The following KCND2 variants were observed in gnomAD, a reference collection of about 807,000 sequenced individuals.
KCND2 encodes the protein A-type voltage-gated potassium channel KCND2.
A neutral mutation model predicts 54.4 loss-of-function variants in KCND2; 16 were observed. That is an observed-to-expected ratio of 0.29 (90% CI 0.20 to 0.45). The LOEUF is 0.45. KCND2 is among the 20% of genes least tolerant of loss of function. The pLI is 1.00. For missense variants in KCND2, 486 were observed against 824.2 expected (o/e 0.59, Z 5.02); for synonymous variants, 317 against 310.7 (o/e 1.02, Z -0.21).
At chr7:120,746,407 A>G (rs1421546020) in intron 5 of KCND2, among the ~76,000 whole-genome samples, 2 of 152,188 alleles carry the variant, frequency 1.3e-5, no homozygotes, top group Admixed American at 6.6e-5. Flanking sequence ...TGAGATCAAC[A>G]TGGCTAAAAA....
At chr7:120,485,801 C>A (rs1802684619) in intron 1 of KCND2, among the ~76,000 whole-genome samples, 2 of 151,984 alleles carry the variant, frequency 1.3e-5, no homozygotes, top group Admixed American at 1.3e-4. Context: ...TTTTTTGTTT[C>A]TCTTTTCTGT....
At position 120,565,488 on chromosome 7, in the gene KCND2, A is replaced by T. The variant is rs575775081; in HGVS notation, c.1116-167415A>T. 3.3e-5 allele frequency among the ~76,000 whole-genome samples: 5 copies of T among 152,306 alleles called. No individual in the cohort carries two copies. The East Asian group carries it at 9.7e-4, about 29-fold the overall frequency. On this transcript the variant is annotated intron_variant, in intron 1 of 5. Transcript: ENST00000331113. Reference sequence around the variant, plus strand: ...GCCTTATCAGATACTCACCCAATAGATAAAAGTATTAGTTCATAATCTAGT... The same window carrying T: ...GCCTTATCAGATACTCACCCAATAGTTAAAAGTATTAGTTCATAATCTAGT...
chr7:120,478,942 A>T (rs1325043817), intron 1 of KCND2, among the ~76,000 whole-genome samples: 1 of 152,206 alleles, frequency 6.6e-6, no homozygotes, highest in Admixed American at 6.5e-5. Context: ...TACACAAAGG[A>T]TAGGACCTTA....
In KCND2 at chr7:120,279,672, G is replaced by A. The variant is rs138842779; in HGVS notation, c.1115+3925G>A. Among the ~76,000 whole-genome samples, 923 of 151,916 alleles carry A rather than the reference G, an allele frequency of 6.1e-3. 6 individuals are homozygous for A. The highest frequency in any genetic ancestry group is 0.017 in the Admixed American group (263 of 15,252). On this transcript the variant is annotated intron_variant, in intron 1 of 5. Transcript: ENST00000331113. ...AATTGCCATATTTCAATTTTTGTGC[G>A]TTTGGTGAATTACTATTTTAAGGAA... is the stretch of plus-strand genomic sequence containing the variant.
intron 1 of KCND2, among the ~76,000 whole-genome samples, chr7:120,335,472 T>TTTAG (rs986075686): frequency 2.9e-4 from 25 of 85,802 alleles, no homozygotes; most frequent in South Asian, 1.5e-3. Flanking sequence ...TACTTACTTA[T>TTTAG]TTATTTATTT....
At chr7:120,726,650 A>G (rs1792737302) in intron 1 of KCND2, among the ~76,000 whole-genome samples, 1 of 152,186 alleles carries the variant, frequency 6.6e-6, no homozygotes, top group Non-Finnish European at 1.5e-5. Context: ...ACTTACTTTC[A>G]TCTAACTTTT....
At chr7:120,459,545 A>G (rs1802251998) in intron 1 of KCND2, among the ~76,000 whole-genome samples, 1 of 152,142 alleles carries the variant, frequency 6.6e-6, no homozygotes, top group Non-Finnish European at 1.5e-5. Flanking sequence ...TGCCCTTTGT[A>G]TAACTCCTCC....
intron 1 of KCND2, among the ~76,000 whole-genome samples, chr7:120,686,934 C>A (rs1425975040): frequency 6.6e-6 from 1 of 152,116 alleles, no homozygotes; most frequent in Non-Finnish European, 1.5e-5. Context: ...CTTTCCTTGG[C>A]ACCGGTTGTG....
At chr7:120,412,401 G>C (rs1801464142) in intron 1 of KCND2, among the ~76,000 whole-genome samples, 1 of 151,996 alleles carries the variant, frequency 6.6e-6, no homozygotes. Context: ...ATTGCAGAGA[G>C]CTTAAGAATA....
At chr7:120,461,628 TACTA>T (rs1196787917) in intron 1 of KCND2, among the ~76,000 whole-genome samples, 1 of 152,190 alleles carries the variant, frequency 6.6e-6, no homozygotes, top group Admixed American at 6.5e-5. Context: ...CAGAGACTTC[TACTA>T]ACTGTCAGGG....
intron 1 of KCND2, among the ~76,000 whole-genome samples, chr7:120,596,667 G>A (rs1016352713): frequency 6.6e-6 from 1 of 152,016 alleles, no homozygotes; most frequent in Non-Finnish European, 1.5e-5. Context: ...ACAAATGTCT[G>A]GTAAATAAAA....
chr7:120,319,960 G>A (rs1043884362), intron 1 of KCND2, among the ~76,000 whole-genome samples: 1 of 151,928 alleles, frequency 6.6e-6, no homozygotes, highest in African/African-American at 2.4e-5. Flanking sequence ...GGTAGAGAAC[G>A]TATATTAGTT....
At chr7:120,495,046 T>TC in intron 1 of KCND2, among the ~76,000 whole-genome samples, 1 of 152,272 alleles carries the variant, frequency 6.6e-6, no homozygotes, top group East Asian at 1.9e-4. Context: ...TTCTTTCTAC[T>TC]CCCCTGAAAT....
At chr7:120,638,713 T>C (rs992159622) in intron 1 of KCND2, among the ~76,000 whole-genome samples, 6 of 152,106 alleles carry the variant, frequency 3.9e-5, no homozygotes, top group Non-Finnish European at 7.4e-5. Flanking sequence ...CCTACACATC[T>C]CCCTCTCTAG....
chr7:120,426,768 C>T (rs1047809641), intron 1 of KCND2, among the ~76,000 whole-genome samples: 1 of 151,828 alleles, frequency 6.6e-6, no homozygotes, highest in Non-Finnish European at 1.5e-5. Flanking sequence ...ACTACACGCG[C>T]CTGCCACCAT....
At chr7:120,588,443 T>TGTGTG (rs1792628532) in intron 1 of KCND2, among the ~76,000 whole-genome samples, 2 of 54,228 alleles carry the variant, frequency 3.7e-5, no homozygotes, top group African/African-American at 1.1e-4. Flanking sequence ...GTGTGTGTGT[T>TGTGTG]TCCTTGAGTG....
intron 1 of KCND2, among the ~76,000 whole-genome samples, chr7:120,635,188 G>A (rs1410257500): frequency 3.3e-5 from 5 of 152,092 alleles, no homozygotes; most frequent in Non-Finnish European, 7.4e-5. Flanking sequence ...CTCTAGCTCT[G>A]GTGCCCATTG....
At chr7:120,477,442 C>T (rs1802548346) in intron 1 of KCND2, among the ~76,000 whole-genome samples, 1 of 151,968 alleles carries the variant, frequency 6.6e-6, no homozygotes, top group Non-Finnish European at 1.5e-5. Context: ...CCTGAAGCTG[C>T]TCTAAAAATG....
intron 1 of KCND2, among the ~76,000 whole-genome samples, chr7:120,544,819 G>A (rs887738027): frequency 6.6e-6 from 1 of 151,814 alleles, no homozygotes; most frequent in African/African-American, 2.4e-5. Context: ...ATTAATGTGG[G>A]AGTTCAAAAT....
Sources: gnomAD v4.1 joint callset for allele counts (sites outside exome capture counted in the v4.1 genomes callset) on GRCh38, gnomAD v4.1.1 for gene constraint, MANE v1.5 for transcripts, NCBI Gene and HGNC (gene_info 2026-07-23, HGNC 2026-07-21) for gene names.